The following ZNF653 variants were observed in gnomAD, a reference collection of about 807,000 sequenced individuals.
The protein encoded by ZNF653 is zinc finger protein 653, also known as 67 kDa zinc finger protein.
In ZNF653, 37 loss-of-function variants were observed where a neutral mutation model predicts 59.9. That is an observed-to-expected ratio of 0.62 (90% CI 0.48 to 0.81). The LOEUF (loss-of-function observed/expected upper bound fraction) is 0.81. Among genes scored for constraint, ZNF653 ranks in the 40% least tolerant of loss-of-function variants. The probability of loss-of-function intolerance (pLI) is 0.00; values close to 1 mark genes in which losing one functional copy is unlikely to be tolerated. For synonymous variants in ZNF653, 435 were observed against 371.8 expected (o/e 1.17, Z -1.96); for missense variants, 808 against 881.1 (o/e 0.92, Z 1.05).
Position 11,486,866 on chromosome 19 carries a change from T to C in ZNF653, c.1358A>G (p.Lys453Arg), listed in dbSNP as rs1171332860. The C allele has an allele frequency of 1.2e-6, 2 of 1,611,184 alleles. No individual in the cohort carries two copies. Among genetic ancestry groups the C allele is most frequent in the Admixed American group, 1.7e-5 (1 of 59,652 alleles). The change falls in exon 6 of 9, where the codon AAG becomes AGG. Residue 453 changes from lysine (K) to arginine (R), a missense_variant. By Grantham distance (26) the Lys-to-Arg change is conservative. Coordinates refer to ENST00000293771, the MANE Select transcript of ZNF653 (RefSeq NM_138783.4). ...PKEPEKRRRSKRSRVMDADGL... is the reference protein window; with the variant it reads ...PKEPEKRRRSRRSRVMDADGL... ...GTCAGCATCCATCACCCGCGACCGC[T>C]TGCTCCGCCGCCTCCTGGAGGGGAA...
At chr19:11,499,542 A>C (rs1336571575) in intron 1 of ZNF653, among the ~76,000 whole-genome samples, 1 of 150,920 alleles carries the variant, frequency 6.6e-6, no homozygotes, top group Non-Finnish European at 1.5e-5. Context: ...AGGCAGGAGG[A>C]CTGCTTGAAG....
At position 11,483,433 on chromosome 19, in the gene ZNF653, T is replaced by C; in HGVS notation, c.*249A>G. On this transcript the variant is annotated 3_prime_UTR_variant, in exon 9 of 9. Transcript: ENST00000293771. ...CAGGCCTAGGGGAAGGGCATCTCCT[T>C]TCTCGCTCTTTAATCTCACTCTGCT... The C allele has an allele frequency of 7.6e-7, 1 of 1,309,142 alleles. No homozygotes were observed. Among genetic ancestry groups the C allele is most frequent in the Non-Finnish European group, 9.7e-7 (1 of 1,028,054 alleles). The allele number at this position is 1,309,142 out of a possible 1,614,324, so 81.1% of individuals were successfully genotyped here.
chr19:11,494,327 G>GATAACATAACATAAC lies in ZNF653; in HGVS notation c.559+1608_559+1622dup, dbSNP rs71166604. Among the ~76,000 whole-genome samples the GATAACATAACATAAC allele has an allele frequency of 6.4e-3, 896 of 139,670 alleles. 5 individuals are homozygous for GATAACATAACATAAC. Among genetic ancestry groups the GATAACATAACATAAC allele is most frequent in the East Asian group, 0.015 (72 of 4,690 alleles). 91.6% of individuals were successfully genotyped at this position (139,670 alleles called of 152,430 possible). On this transcript the variant is annotated intron_variant, in intron 3 of 8. Transcript: ENST00000293771. ...ACAGAGACAGAATCTGTCTCAAAAA[G>GATAACATAACATAAC]ATAACATAACATAACATAACATAAC...
rs761390361 is a variant in ZNF653, at chr19:11,483,770, G to T, written c.1760C>A (p.Thr587Lys). ...GAAGCGCTTCCCGCAGCGATCGCACGTGAAGTTGTACTGCACCTCCGCAGT... is the reference window on the plus strand; with the variant it reads ...GAAGCGCTTCCCGCAGCGATCGCACTTGAAGTTGTACTGCACCTCCGCAGT... ...KHTAEVQYNF[T>K]CDRCGKRFEK... The change falls in exon 9 of 9, where the codon ACG becomes AAG. Residue 587 changes from threonine to lysine, a missense_variant. By Grantham distance (78) the Thr-to-Lys change is moderately conservative. Transcript: ENST00000293771. The T allele has an allele frequency of 6.2e-7, 1 of 1,613,518 alleles. No homozygotes were observed. Among genetic ancestry groups the T allele is most frequent in the East Asian group, 2.2e-5 (1 of 44,858 alleles).
intron 6 of ZNF653, 62 bp from the exon 7 acceptor site, chr19:11,485,832 G>T (rs1310178891): frequency 1.5e-6 from 2 of 1,324,872 alleles, no homozygotes; most frequent in African/African-American, 1.4e-5. Flanking sequence ...TGGGAGGTGG[G>T]GAGAGATGAG....
intron 7 of ZNF653, among the ~76,000 whole-genome samples, chr19:11,484,984 A>G (rs771505545): frequency 5.3e-5 from 8 of 151,632 alleles, no homozygotes; most frequent in Non-Finnish European, 1.2e-4. Context: ...CGGGAGGCAG[A>G]GGCTGCAGTG....
intron 2 of ZNF653, among the ~76,000 whole-genome samples, chr19:11,497,391 T>C (rs546539868): frequency 6.6e-6 from 1 of 152,292 alleles, no homozygotes; most frequent in African/African-American, 2.4e-5. Context: ...CCGCCTGGGT[T>C]TGAATCCTGG....
Position 11,483,596 on chromosome 19 carries a change from G to C in ZNF653, c.*86C>G, listed in dbSNP as rs758937222. 82 of 1,507,660 alleles carry C rather than the reference G, an allele frequency of 5.4e-5. No individual in the cohort carries two copies. The highest frequency in any genetic ancestry group is 7.0e-5 in the Non-Finnish European group (79 of 1,122,384). The allele number at this position is 1,507,660 out of a possible 1,614,324, so 93.4% of individuals were successfully genotyped here. A position where few individuals can be genotyped will look rare whatever the true frequency, so the allele number is the denominator to read the frequency against. ...CCTCCTTCCGGCCCGCGGTCCGGGC[G>C]GCCCTCGCAGCTGTCCAGGCCCCGG... On this transcript the variant is annotated 3_prime_UTR_variant, in exon 9 of 9. Transcript: ENST00000293771.
intron 2 of ZNF653, among the ~76,000 whole-genome samples, chr19:11,496,480 G>A (rs1469165701): frequency 1.3e-5 from 2 of 152,266 alleles, no homozygotes; most frequent in South Asian, 4.1e-4. Context: ...GCAGTCCTCA[G>A]GCCCAGGACT....
At chr19:11,489,547 G>C (rs1971509155) in intron 3 of ZNF653, among the ~76,000 whole-genome samples, 1 of 152,010 alleles carries the variant, frequency 6.6e-6, no homozygotes, top group Non-Finnish European at 1.5e-5. Context: ...CCCAGGCTGT[G>C]GCCTTGAACT....
intron 7 of ZNF653, among the ~76,000 whole-genome samples, chr19:11,485,329 T>C (rs753617838): frequency 2.0e-5 from 3 of 152,018 alleles, no homozygotes; most frequent in Admixed American, 6.6e-5. Flanking sequence ...GGTGCTGCTA[T>C]AGGTTCCAAT....
At chr19:11,486,367 G>A (rs1971465661) in intron 6 of ZNF653, among the ~76,000 whole-genome samples, 1 of 152,186 alleles carries the variant, frequency 6.6e-6, no homozygotes, top group Admixed American at 6.5e-5. Context: ...GGGAAACTGA[G>A]GTTCAAGGCT....
In ZNF653 at chr19:11,487,670, G is replaced by T; in HGVS notation, c.793C>A (p.Pro265Thr). ...AEQGTPLCSN[P>T]AGNGPEALET... ...AGGGCTTCAGGCCCATTGCCTGCTG[G>T]GTTGGAGCACAGCGGGGTACCCTGC... Residue 265 changes from proline (P) to threonine (T), a missense_variant, in exon 4 of 9, where the codon CCA (proline) becomes ACA (threonine). Coordinates refer to ENST00000293771, the MANE Select transcript of ZNF653 (RefSeq NM_138783.4). The surrounding 1 kb of genome is among the most constrained non-coding windows in gnomAD (Gnocchi z 5.1). The T allele has an allele frequency of 6.2e-7, 1 of 1,613,884 alleles. No homozygotes were observed. Among genetic ancestry groups the T allele is most frequent in the Non-Finnish European group, 8.5e-7 (1 of 1,179,970 alleles).
At chr19:11,484,271 C>T in intron 7 of ZNF653, 130 bp from the exon 8 acceptor site, 1 of 721,390 alleles carries the variant, frequency 1.4e-6, no homozygotes, top group South Asian at 1.7e-5. Context: ...TGCAGGCCGA[C>T]CAAACCCTAC....
chr19:11,488,338 A>C (rs1971493922), intron 3 of ZNF653, among the ~76,000 whole-genome samples: 1 of 151,218 alleles, frequency 6.6e-6, no homozygotes, highest in South Asian at 2.1e-4. Flanking sequence ...TTTAATAGAG[A>C]TAGGGGTTCA....
At chr19:11,490,130 C>T (rs1971515447) in intron 3 of ZNF653, among the ~76,000 whole-genome samples, 1 of 152,190 alleles carries the variant, frequency 6.6e-6, no homozygotes, top group African/African-American at 2.4e-5. Context: ...TGGGGGGTTT[C>T]CATGACCCCA....
chr19:11,487,752 G>A lies in ZNF653; in HGVS notation c.711C>T (p.Ile237=), dbSNP rs751742822. 6.2e-7 allele frequency: 1 copy of A among 1,613,272 alleles called. No homozygotes were observed. The highest frequency in any genetic ancestry group is 8.5e-7 in the Non-Finnish European group (1 of 1,179,872). Residue 237 remains isoleucine (I), a synonymous_variant, in exon 4 of 9, where the codon ATC becomes ATT. Transcript: ENST00000293771. The surrounding 1 kb of genome is among the most constrained non-coding windows in gnomAD (Gnocchi z 5.1). The part of the protein sequence containing the change: ...PTSPVGSSGL[I]TQEGVHIPFD... ...AGGGAATGTGCACGCCCTCCTGAGTGATGAGCCCGCTGCTGCCCACCGGGC... is the reference window on the plus strand; with the variant it reads ...AGGGAATGTGCACGCCCTCCTGAGTAATGAGCCCGCTGCTGCCCACCGGGC...
In ZNF653 at chr19:11,487,030, C is replaced by G. The variant is rs373347793; in HGVS notation, c.1300G>C (p.Asp434His). 2.5e-6 allele frequency: 4 copies of G among 1,614,134 alleles called. No individual in the cohort carries two copies. Among genetic ancestry groups the G allele is most frequent in the Non-Finnish European group, 3.4e-6 (4 of 1,179,994 alleles). ...ATTTCATAGATGATGGCTGACATGT[C>G]GCTGCCGTCCAGCTCCTCCCCGTCC... ...EADGEELDGS[D>H]MSAIIYEIPK... Residue 434 changes from aspartate (D) to histidine (H), a missense_variant, in exon 5 of 9, where the codon GAC becomes CAC. Coordinates refer to ENST00000293771, the MANE Select transcript of ZNF653 (RefSeq NM_138783.4). This position sits in a 1 kb window ranked among gnomAD's most constrained non-coding sequence, Gnocchi z 5.1.
At position 11,483,579 on chromosome 19, in the gene ZNF653, C is replaced by T. The variant is rs1971429944; in HGVS notation, c.*103G>A. 10 of 1,451,388 alleles carry T rather than the reference C, an allele frequency of 6.9e-6. No homozygotes were observed. The highest frequency in any genetic ancestry group is 2.9e-5 in the African/African-American group (2 of 69,664). The allele number at this position is 1,451,388 out of a possible 1,614,324, so 89.9% of individuals were successfully genotyped here. On this transcript the variant is annotated 3_prime_UTR_variant, in exon 9 of 9. Transcript: ENST00000293771. ...GGGGCGGGGCGGGGGCGCCTCCTTCCGGCCCGCGGTCCGGGCGGCCCTCGC... is the reference window on the plus strand; with the variant it reads ...GGGGCGGGGCGGGGGCGCCTCCTTCTGGCCCGCGGTCCGGGCGGCCCTCGC...
Sources: gnomAD v4.1 joint callset for allele counts (sites outside exome capture counted in the v4.1 genomes callset) on GRCh38, gnomAD v4.1.1 for gene constraint, Gnocchi (gnomAD v3.1) non-coding constraint, MANE v1.5 for transcripts, NCBI Gene and HGNC (gene_info 2026-07-23, HGNC 2026-07-21) for gene names.